The following NUP210 variants were observed in gnomAD, a reference collection of about 807,000 sequenced individuals.
The protein encoded by NUP210 is nuclear pore membrane glycoprotein 210.
In NUP210, 151 loss-of-function variants were observed where a neutral mutation model predicts 196.0. That is an observed-to-expected ratio of 0.77 (90% CI 0.67 to 0.88). The LOEUF (loss-of-function observed/expected upper bound fraction) is 0.88, where lower values mean the gene tolerates loss of function less well. Ranked by LOEUF, NUP210 falls within the 40% of genes least tolerant of loss-of-function variation. NUP210 has a pLI of 0.00. For missense variants in NUP210, 2,314 were observed against 2,493.7 expected (o/e 0.93, Z 1.53); for synonymous variants, 1,070 against 1,052.7 (o/e 1.02, Z -0.32).
chr3:13,336,488 C>A lies in NUP210; in HGVS notation c.3684+299G>T, dbSNP rs188624583. Reference sequence around the variant, plus strand: ...ATGAACCAGGAGAAACCGAGGGCTGCCAGGCATCATCTCAGAAAATGGTCA... The same window carrying A: ...ATGAACCAGGAGAAACCGAGGGCTGACAGGCATCATCTCAGAAAATGGTCA... On this transcript the variant is annotated intron_variant, in intron 27 of 39. Coordinates refer to ENST00000254508, the MANE Select transcript of NUP210 (RefSeq NM_024923.4). Among the ~76,000 whole-genome samples the A allele has an allele frequency of 3.0e-3, 461 of 152,292 alleles. 3 individuals carry two copies. The highest frequency in any genetic ancestry group is 0.011 in the African/African-American group (440 of 41,554).
At chr3:13,335,350 C>G (rs2124850436) in intron 28 of NUP210, 104 bp downstream of exon 28, 3 of 1,321,124 alleles carry the variant, frequency 2.3e-6, no homozygotes, top group South Asian at 1.3e-5. Flanking sequence ...GAGAGCTTCT[C>G]AGGTCTCTCA....
rs939809424 is a variant in NUP210, at chr3:13,388,321, G to T, written c.666C>A (p.Ile222=). The change falls in exon 5 of 40, where the codon ATC becomes ATA. Residue 222 remains isoleucine (I), a synonymous_variant. Coordinates refer to ENST00000254508, the MANE Select transcript of NUP210 (RefSeq NM_024923.4). The stretch of plus-strand genomic sequence containing the variant: ...GGCCCACCTTGTAGACAGCCTCCTG[G>T]ATGCGAGCCTTGAGCTTGGAGCTCC... ...KTGSSKLKAR[I]QEAVYKNVRP... is the part of the protein sequence containing the mutation. 1.2e-6 allele frequency: 2 copies of T among 1,609,078 alleles called. No individual in the cohort carries two copies. The highest frequency in any genetic ancestry group is 2.7e-5 in the African/African-American group (2 of 74,756).
At chr3:13,393,477 C>T (rs186364941) in intron 3 of NUP210, among the ~76,000 whole-genome samples, 13 of 152,356 alleles carry the variant, frequency 8.5e-5, no homozygotes, top group African/African-American at 1.9e-4. Flanking sequence ...GTTACCTGCT[C>T]GGGCAGGTGC....
chr3:13,377,453 C>T lies in NUP210; in HGVS notation c.1152+3G>A. On this transcript the variant is annotated splice_donor_region_variant and intron_variant, in intron 9 of 39. Transcript: ENST00000254508. ...CCCAGCCAGGACCTGAACAGGCACT[C>T]ACGTCAGATACATAGACCTTGTTGC... 6.2e-7 allele frequency: 1 copy of T among 1,606,048 alleles called. No individual in the cohort carries two copies. The highest frequency in any genetic ancestry group is 1.1e-5 in the South Asian group (1 of 90,766).
At chr3:13,399,134 C>T (rs754624591) in intron 2 of NUP210, among the ~76,000 whole-genome samples, 4 of 151,386 alleles carry the variant, frequency 2.6e-5, no homozygotes, top group Non-Finnish European at 5.9e-5. Flanking sequence ...GGTGTGGTGG[C>T]GCATGCCTGT....
chr3:13,360,593 T>C, intron 14 of NUP210, 102 bp from the exon 15 acceptor site: 1 of 833,190 alleles, frequency 1.2e-6, no homozygotes, highest in Non-Finnish European at 1.9e-6. Flanking sequence ...TGGGGGCTGG[T>C]GGTCAGGCAA....
rs201006586 is a variant in NUP210 at position 13,371,925 on chromosome 3, G to A, written c.1695C>T (p.Gly565=). 33 of 1,608,388 alleles carry A rather than the reference G, an allele frequency of 2.1e-5. No individual in the cohort carries two copies. The East Asian group carries it at 4.7e-4, about 23-fold the overall frequency. ...LPLRISGLMP[G]GASEVVTLSD... is the part of the protein sequence containing the mutation. ...TCAAGGTGACCACCTCACTGGCCCC[G>A]CCGGGCATGAGGCCACTGATCCTCA... The change falls in exon 13 of 40, where the codon GGC becomes GGT. Residue 565 remains glycine, a synonymous_variant. Transcript: ENST00000254508.
chr3:13,350,669 T>C lies in NUP210; in HGVS notation c.2835+1210A>G, dbSNP rs1697938949. Among the ~76,000 whole-genome samples, 1 of 150,818 alleles carries C rather than the reference T, an allele frequency of 6.6e-6. No individual in the cohort carries two copies. The highest frequency in any genetic ancestry group is 2.1e-4 in the South Asian group (1 of 4,808). On this transcript the variant is annotated intron_variant, in intron 20 of 39. Coordinates refer to ENST00000254508, the MANE Select transcript of NUP210 (RefSeq NM_024923.4). The surrounding 1 kb of genome is among the most constrained non-coding windows in gnomAD (Gnocchi z 4.1). Reference sequence around the variant, plus strand: ...AGCGAATATCAATAAAGGGGAAAAGTTACAGGAAAAAAAATAGAAATTCTT... The same window carrying C: ...AGCGAATATCAATAAAGGGGAAAAGCTACAGGAAAAAAAATAGAAATTCTT...
intron 21 of NUP210, 113 bp downstream of exon 21, chr3:13,343,062 T>C (rs949203132): frequency 7.7e-7 from 1 of 1,294,074 alleles, no homozygotes; most frequent in African/African-American, 1.5e-5. Context: ...GGGGAAGGGA[T>C]GCAGACCACA....
At chr3:13,365,449 T>C (rs1190589101) in intron 14 of NUP210, among the ~76,000 whole-genome samples, 2 of 152,186 alleles carry the variant, frequency 1.3e-5, no homozygotes, top group Non-Finnish European at 2.9e-5. Context: ...GCCACCACTG[T>C]CCTCAGATGG....
At chr3:13,366,519 T>TC (rs1414704209) in intron 13 of NUP210, among the ~76,000 whole-genome samples, 6 of 143,750 alleles carry the variant, frequency 4.2e-5, no homozygotes, top group African/African-American at 1.0e-4. Context: ...TTTCTTTCTT[T>TC]TTTTTTTTTT....
Position 13,374,449 on chromosome 3 carries a change from C to T in NUP210, c.1432-576G>A, listed in dbSNP as rs575421291. Among the ~76,000 whole-genome samples the T allele has an allele frequency of 6.6e-5, 10 of 152,296 alleles. No individual in the cohort carries two copies. The South Asian group carries it at 1.7e-3, about 25-fold the overall frequency. ...CCACTTCCTCACTGACACACAAGGT[C>T]GATGCCCACAGCAGGGAAAAATGTG... On this transcript the variant is annotated intron_variant, in intron 11 of 39. Transcript: ENST00000254508.
At chr3:13,375,708 C>T (rs911818907) in intron 10 of NUP210, 67 bp from the exon 11 acceptor site, 19 of 1,529,384 alleles carry the variant, frequency 1.2e-5, no homozygotes, top group Admixed American at 7.0e-5. Context: ...TCCCAGTCAC[C>T]GGACCCCCAC....
chr3:13,330,004 G>A (rs1696930261), intron 30 of NUP210, among the ~76,000 whole-genome samples: 1 of 152,232 alleles, frequency 6.6e-6, no homozygotes, highest in South Asian at 2.1e-4. Flanking sequence ...TCACGTACTG[G>A]ATGTCACGAC....
chr3:13,414,689 T>A (rs1700288492), intron 1 of NUP210, among the ~76,000 whole-genome samples: 1 of 152,106 alleles, frequency 6.6e-6, no homozygotes, highest in Non-Finnish European at 1.5e-5. Context: ...GCACTTGCTG[T>A]CCCCTCCAAC....
At chr3:13,410,322 G>C (rs988027793) in intron 1 of NUP210, among the ~76,000 whole-genome samples, 21 of 151,888 alleles carry the variant, frequency 1.4e-4, no homozygotes, top group African/African-American at 4.8e-4. Flanking sequence ...CTAGGAAAAG[G>C]CATGTAGCAC....
rs1472992481 is a variant in NUP210, at chr3:13,343,167, C to T, written c.2964+8G>A. On this transcript the variant is annotated splice_region_variant and intron_variant, in intron 21 of 39. Coordinates refer to ENST00000254508, the MANE Select transcript of NUP210 (RefSeq NM_024923.4). ...CCGAGGGTGCCCCGTCATGAAGCTT[C>T]CACTGACCTTGTCAACCACACGGAT... The T allele has an allele frequency of 1.2e-6, 2 of 1,613,978 alleles. No individual in the cohort carries two copies. Among genetic ancestry groups the T allele is most frequent in the African/African-American group, 2.7e-5 (2 of 74,948 alleles).
intron 16 of NUP210, among the ~76,000 whole-genome samples, chr3:13,356,674 G>T (rs1286789890): frequency 6.6e-6 from 1 of 152,170 alleles, no homozygotes; most frequent in East Asian, 1.9e-4. Flanking sequence ...TCCCTAATGA[G>T]GCTGTAAATT....
In NUP210 at chr3:13,328,799, T is replaced by C. The variant is rs138343116; in HGVS notation, c.4258A>G (p.Ser1420Gly). The C allele has an allele frequency of 1.9e-4, 305 of 1,614,018 alleles. 2 individuals are homozygous for C. The highest frequency in any genetic ancestry group is 1.7e-4 in the Non-Finnish European group (197 of 1,179,992). The change falls in exon 31 of 40, where the codon AGT becomes GGT. Residue 1420 changes from serine (S) to glycine (G), a missense_variant. Physicochemically the swap from Ser to Gly is moderately conservative, Grantham distance 56. Transcript: ENST00000254508. ...DNSGDVFHAH[S>G]SVLNFATNRD... ...TTAGTGGCAAAGTTGAGGACCGAAC[T>C]GTGAGCATGGAAGACATCTCCAGAG... is the stretch of plus-strand genomic sequence containing the variant.
Sources: gnomAD v4.1 joint callset for allele counts (sites outside exome capture counted in the v4.1 genomes callset) on GRCh38, gnomAD v4.1.1 for gene constraint, Gnocchi (gnomAD v3.1) non-coding constraint, MANE v1.5 for transcripts, NCBI Gene and HGNC (gene_info 2026-07-23, HGNC 2026-07-21) for gene names.